Variants in RABGAP1L observed in about 807,000 individuals in gnomAD.
RABGAP1L encodes the protein rab GTPase-activating protein 1-like.
In RABGAP1L, 63 loss-of-function variants were observed where a neutral mutation model predicts 137.7. The observed-to-expected ratio is 0.46, with a 90% CI of 0.37 to 0.56. RABGAP1L has a LOEUF of 0.56. RABGAP1L is among the 20% of genes least tolerant of loss of function. RABGAP1L has a pLI of 0.00. For synonymous variants in RABGAP1L, 431 were observed against 433.7 expected (o/e 0.99, Z 0.08); for missense variants, 1,095 against 1,244.0 (o/e 0.88, Z 1.80).
chr1:174,327,994 T>TATATATATACAC (rs1680662341), intron 11 of RABGAP1L, among the ~76,000 whole-genome samples: 1 of 77,418 alleles, frequency 1.3e-5, no homozygotes, highest in East Asian at 3.5e-4. Context: ...CACATATATA[T>TATATATATACAC]ATATATATAT....
chr1:174,643,937 GTGTGTA>G (rs1005827199), intron 14 of RABGAP1L, among the ~76,000 whole-genome samples: 6 of 135,386 alleles, frequency 4.4e-5, no homozygotes, highest in East Asian at 1.9e-4. Context: ...GTGTGTGTGT[GTGTGTA>G]TGTATGTATG....
At chr1:174,948,762 C>T (rs148961883) in intron 19 of RABGAP1L, 1 of 152,088 alleles carries the variant, frequency 6.6e-6, no homozygotes, top group East Asian at 1.9e-4. Context: ...TGAATGTGCT[C>T]GATCCATCCC....
intron 1 of RABGAP1L, among the ~76,000 whole-genome samples, chr1:174,167,389 A>G (rs1419379766): frequency 6.6e-6 from 1 of 152,220 alleles, no homozygotes; most frequent in Non-Finnish European, 1.5e-5. Context: ...GCATATATGT[A>G]TGTGTAGACA....
At chr1:174,802,800 G>GTTTAGC (rs1432395415) in intron 18 of RABGAP1L, among the ~76,000 whole-genome samples, 3 of 152,196 alleles carry the variant, frequency 2.0e-5, no homozygotes, top group African/African-American at 7.2e-5. Context: ...ACTGCTCAAA[G>GTTTAGC]TTTAGCATGT....
chr1:174,590,348 A>AATT (rs1669506163), intron 13 of RABGAP1L, among the ~76,000 whole-genome samples: 1 of 101,502 alleles, frequency 9.9e-6, no homozygotes, highest in African/African-American at 3.7e-5. Flanking sequence ...TTTTTTTTTT[A>AATT]TTTATTTTTT....
intron 14 of RABGAP1L, among the ~76,000 whole-genome samples, chr1:174,658,292 C>G (rs946784107): frequency 8.5e-5 from 13 of 152,072 alleles, no homozygotes; most frequent in Admixed American, 6.6e-5. Context: ...TTTGGTGATT[C>G]TTGCTCTGCC....
At chr1:174,588,568 G>C (rs1166951959) in intron 13 of RABGAP1L, among the ~76,000 whole-genome samples, 1 of 151,868 alleles carries the variant, frequency 6.6e-6, no homozygotes, top group Admixed American at 6.6e-5. Flanking sequence ...CTATATTTTT[G>C]TACCCATTAA....
At chr1:174,544,024 A>G (rs1343485351) in intron 13 of RABGAP1L, among the ~76,000 whole-genome samples, 1 of 152,070 alleles carries the variant, frequency 6.6e-6, no homozygotes, top group African/African-American at 2.4e-5. Flanking sequence ...GGCTGCCCTT[A>G]ACATTTTTTC....
intron 13 of RABGAP1L, among the ~76,000 whole-genome samples, chr1:174,570,775 A>G (rs1292647500): frequency 6.6e-6 from 1 of 152,190 alleles, no homozygotes; most frequent in African/African-American, 2.4e-5. Context: ...GCAATACCCA[A>G]TGCTAGCAAG....
Position 174,436,482 on chromosome 1 carries a change from A to G in RABGAP1L, c.1710+42337A>G, listed in dbSNP as rs866820884. ...TGAGAAGTGTCTGTTCATATCCTTC[A>G]CCCACTTTTTGATGGGGTTGTTTGT... On this transcript the variant is annotated intron_variant, in intron 13 of 25. Transcript: ENST00000681986. 7.6e-4 allele frequency among the ~76,000 whole-genome samples: 115 copies of G among 151,902 alleles called. No homozygotes were observed. In the Middle Eastern group the frequency reaches 0.024, roughly 31 times the overall value.
chr1:174,754,533 A>C (rs1684571927), intron 18 of RABGAP1L, among the ~76,000 whole-genome samples: 1 of 151,588 alleles, frequency 6.6e-6, no homozygotes. Flanking sequence ...TATTCTGCTC[A>C]CTCTGTTGCC....
intron 19 of RABGAP1L, among the ~76,000 whole-genome samples, chr1:174,840,780 C>G (rs185314195): frequency 1.4e-5 from 2 of 144,664 alleles, no homozygotes; most frequent in Admixed American, 7.1e-5. Flanking sequence ...TGAGCCATTG[C>G]ATTCCAGCCT....
intron 15 of RABGAP1L, among the ~76,000 whole-genome samples, chr1:174,697,302 T>G (rs1679329775): frequency 6.6e-6 from 1 of 152,148 alleles, no homozygotes; most frequent in African/African-American, 2.4e-5. Context: ...TCTCTAGGAC[T>G]GGCTACAGTT....
rs967916096 is a variant in RABGAP1L, at chr1:174,892,392, A to G, written c.2341-65065A>G. The G allele has an allele frequency of 5.0e-5, 19 of 378,472 alleles. 1 individual carries two copies. The highest frequency in any genetic ancestry group is 3.7e-4 in the South Asian group (18 of 48,144). The allele number at this position is 378,472 out of a possible 1,614,324, so 23.4% of individuals were successfully genotyped here. A position where few individuals can be genotyped will look rare whatever the true frequency, so the allele number is the denominator to read the frequency against. Reference sequence around the variant, plus strand: ...GAAATTAGTTTCTATTTCCAGCTCCACCACTATAATCCCTGGTTGAAGAAA... The same window carrying G: ...GAAATTAGTTTCTATTTCCAGCTCCGCCACTATAATCCCTGGTTGAAGAAA... On this transcript the variant is annotated intron_variant, in intron 19 of 25. Coordinates refer to ENST00000681986, the MANE Select transcript of RABGAP1L (RefSeq NM_001366446.1).
intron 13 of RABGAP1L, among the ~76,000 whole-genome samples, chr1:174,461,787 C>T (rs1656719904): frequency 6.6e-6 from 1 of 152,036 alleles, no homozygotes; most frequent in African/African-American, 2.4e-5. Context: ...TTTAATATAC[C>T]TATCATTTAA....
In RABGAP1L at chr1:174,628,888, T is replaced by C. The variant is rs74661209; in HGVS notation, c.1711-8487T>C. Among the ~76,000 whole-genome samples the C allele has an allele frequency of 4.7e-3, 714 of 152,256 alleles. 18 individuals carry two copies. In the East Asian group the frequency reaches 0.073, roughly 16 times the overall value. The stretch of plus-strand genomic sequence containing the variant: ...AATCTTCTCAGAAAATGAATTCATA[T>C]CAGTTTTGGTTGTGCTATAAAATGT... On this transcript the variant is annotated intron_variant, in intron 13 of 25. Coordinates refer to ENST00000681986, the MANE Select transcript of RABGAP1L (RefSeq NM_001366446.1).
At chr1:174,603,201 G>T (rs1670542612) in intron 13 of RABGAP1L, among the ~76,000 whole-genome samples, 1 of 152,158 alleles carries the variant, frequency 6.6e-6, no homozygotes, top group Non-Finnish European at 1.5e-5. Context: ...TATGACTCTT[G>T]CAGACTTGTC....
At chr1:174,839,352 G>A (rs1573442675) in intron 19 of RABGAP1L, among the ~76,000 whole-genome samples, 1 of 152,080 alleles carries the variant, frequency 6.6e-6, no homozygotes, top group Admixed American at 6.6e-5. Context: ...TCCACACACA[G>A]ATACTTGAGA....
At chr1:174,349,739 C>T (rs1455304297) in intron 11 of RABGAP1L, among the ~76,000 whole-genome samples, 2 of 140,534 alleles carry the variant, frequency 1.4e-5, no homozygotes, top group Non-Finnish European at 3.2e-5. Flanking sequence ...GGGGCTGACC[C>T]CCCCACCTCC....
Sources: gnomAD v4.1 joint callset for allele counts (sites outside exome capture counted in the v4.1 genomes callset) on GRCh38, gnomAD v4.1.1 for gene constraint, MANE v1.5 for transcripts, NCBI Gene and HGNC (gene_info 2026-07-23, HGNC 2026-07-21) for gene names.